The following UGT1A9 variants were observed in gnomAD, a reference collection of about 807,000 sequenced individuals.
The protein encoded by UGT1A9 is UDP glucuronosyltransferase family 1 member A9.
UGT1A9 carries 35 observed loss-of-function variants against 45.0 expected under a neutral mutation model. The ratio of observed to expected loss-of-function variants is 0.78; its 90% CI spans 0.59 to 1.03. UGT1A9 has a LOEUF of 1.03. Ranked by LOEUF, UGT1A9 falls within the 50% of genes least tolerant of loss-of-function variation. UGT1A9 has a pLI of 0.00. For synonymous variants in UGT1A9, 278 were observed against 250.6 expected, an observed-to-expected ratio of 1.11 and a Z score of -1.03; for missense variants, 687 against 666.6, an observed-to-expected ratio of 1.03 and a Z score of -0.34.
intron 1 of UGT1A9, among the ~76,000 whole-genome samples, chr2:233,704,131 T>A (rs2075768920): frequency 6.6e-6 from 1 of 152,080 alleles, no homozygotes; most frequent in Non-Finnish European, 1.5e-5. Context: ...CCTCAAGTGA[T>A]CCACCCGCCT....
At position 233,772,473 on chromosome 2, in the gene UGT1A9, A is replaced by G. The variant is rs1575871447; in HGVS notation, c.1507A>G (p.Thr503Ala). ...CGTCGTGCTGACAGTGGCCTTCATC[A>G]CCTTTAAATGTTGTGCTTATGGCTA... ...LAVVLTVAFITFKCCAYGYRK... is the reference protein window; with the variant it reads ...LAVVLTVAFIAFKCCAYGYRK... The change falls in exon 5 of 5, where the codon ACC (threonine) becomes GCC (alanine). Residue 503 changes from threonine to alanine, a missense_variant. Coordinates refer to ENST00000354728, the MANE Select transcript of UGT1A9 (RefSeq NM_021027.3). 1.2e-6 allele frequency: 2 copies of G among 1,614,044 alleles called. No homozygotes were observed. The highest frequency in any genetic ancestry group is 1.7e-6 in the Non-Finnish European group (2 of 1,180,014).
intron 1 of UGT1A9, chr2:233,713,901 C>T (rs1232618327): frequency 1.9e-6 from 3 of 1,612,940 alleles, no homozygotes; most frequent in East Asian, 2.2e-5. Flanking sequence ...CCAGGCAAAA[C>T]ACTTTTTAAA....
intron 1 of UGT1A9, among the ~76,000 whole-genome samples, chr2:233,706,103 A>T (rs564369770): frequency 6.6e-6 from 1 of 152,060 alleles, no homozygotes; most frequent in Non-Finnish European, 1.5e-5. Context: ...TTAAAAAAAA[A>T]CCAAGAATTT....
rs1170923656 is a variant in UGT1A9 at position 233,772,696 on chromosome 2, T to TA, written c.*143dup. The TA allele has an allele frequency of 2.8e-5, 41 of 1,482,484 alleles. No individual in the cohort carries two copies. The highest frequency in any genetic ancestry group is 3.6e-5 in the Non-Finnish European group (41 of 1,123,730). The allele number at this position is 1,482,484 out of a possible 1,614,324, so 91.8% of individuals were successfully genotyped here. ...TAAATTAATCAGCCCCAGAGTGCTT[T>TA]AAAAAATTCTCTTAAATAAAAATAA... On this transcript the variant is annotated 3_prime_UTR_variant, in exon 5 of 5. Transcript: ENST00000354728.
At chr2:233,747,330 C>T (rs896598113) in intron 1 of UGT1A9, 17 of 1,603,408 alleles carry the variant, frequency 1.1e-5, no homozygotes, top group Non-Finnish European at 1.2e-5. Flanking sequence ...TTGATGGCAG[C>T]CACTGGCTCG....
At chr2:233,729,800 A>G (rs778424052) in intron 1 of UGT1A9, 13 of 1,613,840 alleles carry the variant, frequency 8.1e-6, no homozygotes, top group South Asian at 1.1e-5. Context: ...TACATTTGCC[A>G]TGCTTTTTCT....
chr2:233,699,971 A>G (rs1575467099), intron 1 of UGT1A9, among the ~76,000 whole-genome samples: 1 of 152,190 alleles, frequency 6.6e-6, no homozygotes, highest in Admixed American at 6.5e-5. Flanking sequence ...CCCGTCCCCC[A>G]ACTCCCAACA....
chr2:233,695,366 C>T (rs184636578), intron 1 of UGT1A9, among the ~76,000 whole-genome samples: 240 of 151,850 alleles, frequency 1.6e-3, no homozygotes, highest in African/African-American at 4.6e-3. Flanking sequence ...CCTCGTGGTC[C>T]GCCCACCCCA....
intron 1 of UGT1A9, among the ~76,000 whole-genome samples, chr2:233,739,478 C>A (rs945148386): frequency 2.6e-5 from 4 of 152,180 alleles, no homozygotes; most frequent in African/African-American, 9.7e-5. Context: ...ACCGTGGGAG[C>A]CCATTTCTGG....
At position 233,705,992 on chromosome 2, in the gene UGT1A9, G is replaced by A. The variant is rs187020674; in HGVS notation, c.855+33203G>A. On this transcript the variant is annotated intron_variant, in intron 1 of 4. Coordinates refer to ENST00000354728, the MANE Select transcript of UGT1A9 (RefSeq NM_021027.3). ...TGGTTCCGGCTACTCAGGAGGCTGA[G>A]GTGTGAGAATCACTTGCACTTGGAC... 1.2e-3 allele frequency among the ~76,000 whole-genome samples: 183 copies of A among 152,322 alleles called. 1 individual carries two copies. Among genetic ancestry groups the A allele is most frequent in the African/African-American group, 4.1e-3 (172 of 41,580 alleles).
In UGT1A9 at chr2:233,719,593, G is replaced by A. The variant is rs760663829; in HGVS notation, c.855+46804G>A. 68 of 1,613,802 alleles carry A rather than the reference G, an allele frequency of 4.2e-5. No homozygotes were observed. The South Asian group carries it at 4.3e-4, about 10-fold the overall frequency. On this transcript the variant is annotated intron_variant, in intron 1 of 4. Coordinates refer to ENST00000354728, the MANE Select transcript of UGT1A9 (RefSeq NM_021027.3). ...AGCTATGCATCCGTGTGGCTGTTCC[G>A]AGGGGACTTTGTGATGGACTACCCC...
At chr2:233,690,588 GA>G (rs144486213) in intron 1 of UGT1A9, 260,204 of 1,069,074 alleles carry the variant, frequency 0.24, 16,694 homozygotes, top group Non-Finnish European at 0.26. Flanking sequence ...CAATCCCTGA[GA>G]AAAAAAAAAA....
chr2:233,772,541 C>T lies in UGT1A9; in HGVS notation c.1575C>T (p.His525=), dbSNP rs1391662449. The T allele has an allele frequency of 1.2e-6, 2 of 1,613,996 alleles. No homozygotes were observed. Among genetic ancestry groups the T allele is most frequent in the Non-Finnish European group, 1.7e-6 (2 of 1,180,012 alleles). ...AAAAAGGGCGAGTTAAGAAAGCCCACAAATCCAAGACCCATTGAGAAGTGG... is the reference window on the plus strand; with the variant it reads ...AAAAAGGGCGAGTTAAGAAAGCCCATAAATCCAAGACCCATTGAGAAGTGG... The part of the protein sequence containing the change: ...LGKKGRVKKA[H]KSKTH The change falls in exon 5 of 5, where the codon CAC becomes CAT. Residue 525 remains histidine (H), a synonymous_variant. Transcript: ENST00000354728.
rs536568822 is a variant in UGT1A9 at position 233,693,974 on chromosome 2, C to T, written c.855+21185C>T. ...TCCCTTGGAGGATTTCCTGGAGAAA[C>T]GGTGGGGGGAAGTGATACCCGGCTC... is the stretch of plus-strand genomic sequence containing the variant. On this transcript the variant is annotated intron_variant, in intron 1 of 4. Transcript: ENST00000354728. 146 of 1,566,540 alleles carry T rather than the reference C, an allele frequency of 9.3e-5. No homozygotes were observed. In the East Asian group the frequency reaches 2.5e-3, roughly 26 times the overall value.
At chr2:233,723,030 C>T (rs1559367712) in intron 1 of UGT1A9, among the ~76,000 whole-genome samples, 1 of 143,404 alleles carries the variant, frequency 7.0e-6, no homozygotes, top group Non-Finnish European at 1.5e-5. Context: ...GAAGGGCCAG[C>T]GGGAGAGGCA....
At chr2:233,732,755 G>GTT (rs956485327) in intron 1 of UGT1A9, among the ~76,000 whole-genome samples, 69 of 120,202 alleles carry the variant, frequency 5.7e-4, no homozygotes, top group African/African-American at 1.5e-3. Context: ...CACCAGCTTT[G>GTT]TTTTTTTTTT....
chr2:233,767,100 GTC>G lies in UGT1A9; in HGVS notation c.925_926del (p.Ser309ArgfsTer12). 6.2e-7 allele frequency: 1 copy of G among 1,614,092 alleles called. No homozygotes were observed. The highest frequency in any genetic ancestry group is 8.5e-7 in the Non-Finnish European group (1 of 1,180,010). The stretch of plus-strand genomic sequence containing the variant: ...TGTGGTTTTCTCTTTGGGATCAATG[GTC>G]TCAGAAATTCCAGAGAAGAAAGCTA... ...GIVVFSLGSMVSEIPEKKAMA... is the reference protein window; with the variant it reads ...GIVVFSLGSMXSEIPEKKAMA... On this transcript the variant is annotated frameshift_variant, in exon 2 of 5. Transcript: ENST00000354728. LOFTEE classifies it high-confidence loss of function.
chr2:233,712,122 A>C (rs776169880), intron 1 of UGT1A9, among the ~76,000 whole-genome samples: 9 of 152,356 alleles, frequency 5.9e-5, no homozygotes, highest in Non-Finnish European at 1.0e-4. Flanking sequence ...GACTTGCAGA[A>C]GACTGGAGCC....
intron 1 of UGT1A9, chr2:233,755,405 C>T (rs1027033483): frequency 1.1e-4 from 37 of 334,342 alleles, no homozygotes; most frequent in Middle Eastern, 1.1e-3. Context: ...ATCTCATTGG[C>T]CGAGGCCTGT....
Sources: gnomAD v4.1 joint callset for allele counts (sites outside exome capture counted in the v4.1 genomes callset) on GRCh38, gnomAD v4.1.1 for gene constraint, MANE v1.5 for transcripts, NCBI Gene and HGNC (gene_info 2026-07-23, HGNC 2026-07-21) for gene names.